The following ANKDD1A variants were observed in gnomAD, a reference collection of about 807,000 sequenced individuals.
The protein encoded by ANKDD1A is ankyrin repeat and death domain containing 1A.
Under a neutral mutation model 63.5 loss-of-function variants are expected in ANKDD1A, and 59 were observed. The ratio of observed to expected loss-of-function variants is 0.93; its 90% CI spans 0.75 to 1.15. The LOEUF is 1.15. ANKDD1A is among the 50% of genes most tolerant of loss of function. The probability of loss-of-function intolerance (pLI) is 0.00; values close to 1 mark genes in which losing one functional copy is unlikely to be tolerated. For missense variants in ANKDD1A, 632 were observed against 656.4 expected (o/e 0.96, Z 0.41); for synonymous variants, 266 against 263.9 (o/e 1.01, Z -0.08).
intron 1 of ANKDD1A, 45 bp downstream of exon 1, chr15:64,912,009 G>T: frequency 8.1e-7 from 1 of 1,238,064 alleles, no homozygotes; most frequent in Non-Finnish European, 1.0e-6. Flanking sequence ...GAGGCCGAGA[G>T]GACCCCCGCA....
chr15:64,949,811 CCT>C lies in ANKDD1A; in HGVS notation c.1352-20_1352-19del, dbSNP rs748745365. 4.3e-5 allele frequency: 68 copies of C among 1,594,148 alleles called. 1 individual carries two copies. The African/African-American group carries it at 4.7e-4, about 11-fold the overall frequency. ...CAAGTGGCCCCATTGGCTCCTTCTC[CCT>C]CTCTCTCTCCTCCCTCACTGTTCTC... On this transcript the variant is annotated intron_variant, in intron 13 of 14. Transcript: ENST00000319580.
chr15:64,915,777 A>G lies in ANKDD1A; in HGVS notation c.35-20A>G. On this transcript the variant is annotated intron_variant, in intron 1 of 14. Transcript: ENST00000319580. ...TGGGGCATCCTCCCCCTCATCCTGC[A>G]CCCCATTTTCTCCCCACAGTGCTTC... The G allele has an allele frequency of 6.2e-7, 1 of 1,609,542 alleles. No homozygotes were observed. Among genetic ancestry groups the G allele is most frequent in the Non-Finnish European group, 8.5e-7 (1 of 1,176,322 alleles).
In ANKDD1A at chr15:64,931,660, G is replaced by A. The variant is rs2085092893; in HGVS notation, c.768+75G>A. ...AGCCATGTCGGCAGTAACGGCCACA[G>A]GGATTCCTGAACCCTGAGTGAATAG... On this transcript the variant is annotated intron_variant, in intron 8 of 14. Coordinates refer to ENST00000319580, the MANE Select transcript of ANKDD1A (RefSeq NM_182703.6). The A allele has an allele frequency of 6.0e-6, 9 of 1,496,692 alleles. No individual in the cohort carries two copies. The East Asian group carries it at 2.1e-4, about 35-fold the overall frequency. The allele number at this position is 1,496,692 out of a possible 1,614,324, so 92.7% of individuals were successfully genotyped here.
chr15:64,943,805 G>A (rs936218835), intron 11 of ANKDD1A: 12 of 565,830 alleles, frequency 2.1e-5, no homozygotes, highest in African/African-American at 1.3e-4. Flanking sequence ...CCCCCCTCTG[G>A]TATAGGCCTG....
At chr15:64,923,931 G>A (rs576815108) in intron 4 of ANKDD1A, among the ~76,000 whole-genome samples, 7 of 152,312 alleles carry the variant, frequency 4.6e-5, no homozygotes, top group East Asian at 3.9e-4. Context: ...TCTGAGTCAC[G>A]GACTCTTCTA....
Position 64,952,550 on chromosome 15 carries a change from CCT to C in ANKDD1A, c.1483+2579_1483+2580del, listed in dbSNP as rs2085311829. On this transcript the variant is annotated intron_variant, in intron 14 of 14. Transcript: ENST00000319580. ...TTCGTCTTCTTCTCCTTCTCCTCCT[CCT>C]TCCTTCTCCTTCGTTCTTCTTCTCC... is the stretch of plus-strand genomic sequence containing the variant. Among the ~76,000 whole-genome samples the C allele has an allele frequency of 3.1e-5, 4 of 128,238 alleles. No individual in the cohort carries two copies. In the East Asian group the frequency reaches 7.5e-4, roughly 24 times the overall value. The allele number at this position is 128,238 out of a possible 152,430, so 84.1% of individuals were successfully genotyped here.
At position 64,917,546 on chromosome 15, in the gene ANKDD1A, T is replaced by G. The variant is rs953853862; in HGVS notation, c.267+32T>G. The G allele has an allele frequency of 3.3e-6, 5 of 1,500,216 alleles. No individual in the cohort carries two copies. The African/African-American group carries it at 4.3e-5, about 13-fold the overall frequency. The allele number at this position is 1,500,216 out of a possible 1,614,324, so 92.9% of individuals were successfully genotyped here. A position where few individuals can be genotyped will look rare whatever the true frequency, so the allele number is the denominator to read the frequency against. ...GTCTGTCTGTCTGTCTGTCTCAGGG[T>G]GGTGGGGGGCACTGGAGATCTCTCT... On this transcript the variant is annotated intron_variant, in intron 3 of 14. Transcript: ENST00000319580.
At chr15:64,927,065 G>A (rs906024238) in intron 6 of ANKDD1A, 66 bp downstream of exon 6, 2 of 1,547,302 alleles carry the variant, frequency 1.3e-6, no homozygotes, top group Non-Finnish European at 1.8e-6. Context: ...CCAGGCTCTG[G>A]CTCCTCACCT....
intron 10 of ANKDD1A, among the ~76,000 whole-genome samples, chr15:64,942,951 G>A (rs1307831882): frequency 6.6e-6 from 1 of 152,088 alleles, no homozygotes; most frequent in African/African-American, 2.4e-5. Flanking sequence ...TTTAAATCCT[G>A]TCCCCACAAT....
intron 2 of ANKDD1A, among the ~76,000 whole-genome samples, chr15:64,916,546 C>T (rs1177128821): frequency 6.6e-6 from 1 of 152,114 alleles, no homozygotes; most frequent in Non-Finnish European, 1.5e-5. Flanking sequence ...AGGCTGGTCT[C>T]AAACTCCTGG....
At chr15:64,955,755 C>T (rs1013674454) in intron 14 of ANKDD1A, among the ~76,000 whole-genome samples, 8 of 152,160 alleles carry the variant, frequency 5.3e-5, no homozygotes, top group Admixed American at 3.9e-4. Context: ...AAACAGCTGA[C>T]AGGAGCTTTG....
chr15:64,943,359 G>T, intron 10 of ANKDD1A, 125 bp from the exon 11 acceptor site: 1 of 787,218 alleles, frequency 1.3e-6, no homozygotes. Flanking sequence ...CCAACAAACT[G>T]AAAACATTCT....
At chr15:64,928,252 G>A (rs1447066182) in intron 6 of ANKDD1A, among the ~76,000 whole-genome samples, 1 of 152,226 alleles carries the variant, frequency 6.6e-6, no homozygotes, top group African/African-American at 2.4e-5. Flanking sequence ...TCTGCACTGA[G>A]TCCATCCACA....
rs1595861648 is a variant in ANKDD1A at position 64,954,717 on chromosome 15, T to TCC, written c.1484-2386_1484-2385insCC. ...CTTGTTCTTCTCCTTCTTCTTCTCC[T>TCC]TCTCCTCCTCCTTCTTCTTCCTTCT... On this transcript the variant is annotated intron_variant, in intron 14 of 14. Coordinates refer to ENST00000319580, the MANE Select transcript of ANKDD1A (RefSeq NM_182703.6). Among the ~76,000 whole-genome samples the TCC allele has an allele frequency of 4.9e-4, 34 of 69,194 alleles. No homozygotes were observed. In the East Asian group the frequency reaches 0.028, roughly 58 times the overall value. The allele number at this position is 69,194 out of a possible 152,430, so 45.4% of individuals were successfully genotyped here.
chr15:64,953,538 C>CCTTCTTCCTCCTCCTTTT (rs1566749408), intron 14 of ANKDD1A, among the ~76,000 whole-genome samples: 1 of 124,590 alleles, frequency 8.0e-6, no homozygotes, highest in Non-Finnish European at 1.6e-5. Context: ...CTTCTCCTCT[C>CCTTCTTCCTCCTCCTTTT]CTTCTTCCTT....
At chr15:64,954,011 C>CT (rs1158925639) in intron 14 of ANKDD1A, among the ~76,000 whole-genome samples, 1 of 85,976 alleles carries the variant, frequency 1.2e-5, no homozygotes, top group Admixed American at 1.5e-4. Context: ...TTTCTTCTTC[C>CT]TTCTTTCCTC....
chr15:64,935,643 C>G (rs1222746842), intron 9 of ANKDD1A, among the ~76,000 whole-genome samples: 2 of 151,982 alleles, frequency 1.3e-5, no homozygotes, highest in Non-Finnish European at 2.9e-5. Context: ...CCACTGCACT[C>G]CAGCCTGGGC....
At chr15:64,918,339 C>T (rs1252806796) in intron 3 of ANKDD1A, among the ~76,000 whole-genome samples, 1 of 152,222 alleles carries the variant, frequency 6.6e-6, no homozygotes, top group Non-Finnish European at 1.5e-5. Context: ...TTTGTTCCGG[C>T]TTCTCTCTGC....
At chr15:64,923,941 A>G (rs1339897347) in intron 4 of ANKDD1A, among the ~76,000 whole-genome samples, 2 of 152,226 alleles carry the variant, frequency 1.3e-5, no homozygotes, top group Non-Finnish European at 2.9e-5. Flanking sequence ...GGACTCTTCT[A>G]GTTAAGCAGA....
Sources: allele counts gnomAD v4.1 joint callset (sites outside exome capture counted in the v4.1 genomes callset), GRCh38; gene constraint gnomAD v4.1.1; transcripts MANE v1.5; gene names NCBI Gene and HGNC (gene_info 2026-07-23, HGNC 2026-07-21).